Variants in SGPL1 observed in about 807,000 individuals in gnomAD.
SGPL1 encodes SP-lyase 1.
Under a neutral mutation model 68.9 loss-of-function variants are expected in SGPL1, and 37 were observed. That is an observed-to-expected ratio of 0.54 (90% CI 0.41 to 0.71). SGPL1 has a LOEUF of 0.71. SGPL1 is among the 30% of genes least tolerant of loss of function. The pLI is 0.00. For missense variants in SGPL1, 551 were observed against 704.6 expected, an observed-to-expected ratio of 0.78 and a Z score of 2.47; for synonymous variants, 236 against 248.5, an observed-to-expected ratio of 0.95 and a Z score of 0.47.
chr10:70,830,467 AG>A (rs1845515438), intron 2 of SGPL1, among the ~76,000 whole-genome samples: 1 of 152,296 alleles, frequency 6.6e-6, no homozygotes, highest in African/African-American at 2.4e-5. Context: ...AATGGTTTCA[AG>A]GTTCATCCAT....
intron 3 of SGPL1, among the ~76,000 whole-genome samples, chr10:70,848,451 GT>G (rs1362741835): frequency 1.7e-5 from 2 of 119,490 alleles, no homozygotes; most frequent in Admixed American, 1.9e-4. Context: ...ATTACCTCAC[GT>G]ACTTTTTTTT....
chr10:70,820,613 A>C (rs1235676919), intron 2 of SGPL1: 1 of 152,064 alleles, frequency 6.6e-6, no homozygotes, highest in South Asian at 2.1e-4. Flanking sequence ...TGTCTCTACT[A>C]AAAATACAAA....
intron 2 of SGPL1, among the ~76,000 whole-genome samples, chr10:70,825,702 C>T (rs766072704): frequency 6.6e-6 from 1 of 152,126 alleles, no homozygotes; most frequent in African/African-American, 2.4e-5. Flanking sequence ...CTCTACAATG[C>T]CCTGTCAGGA....
rs545760194 is a variant in SGPL1, at chr10:70,859,282, A to G, written c.487-89A>G. On this transcript the variant is annotated intron_variant, in intron 6 of 14. Transcript: ENST00000373202. ...TTTTCCAGTTTATATTGTTGTGCCTAATACTTAGAAACTGTTGTTTAGTGC... is the reference window on the plus strand; with the variant it reads ...TTTTCCAGTTTATATTGTTGTGCCTGATACTTAGAAACTGTTGTTTAGTGC... 5.1e-6 allele frequency: 5 copies of G among 986,826 alleles called. No homozygotes were observed. In the Admixed American group the frequency reaches 1.2e-4, roughly 24 times the overall value. The allele number at this position is 986,826 out of a possible 1,614,324, so 61.1% of individuals were successfully genotyped here.
chr10:70,863,061 T>C (rs1339294333), intron 7 of SGPL1, among the ~76,000 whole-genome samples: 1 of 152,170 alleles, frequency 6.6e-6, no homozygotes, highest in Non-Finnish European at 1.5e-5. Context: ...CTCAGCTCAC[T>C]GCAGCCTTGA....
At chr10:70,816,956 T>C in intron 2 of SGPL1, 76 bp downstream of exon 2, 1 of 1,343,130 alleles carries the variant, frequency 7.4e-7, no homozygotes, top group Non-Finnish European at 1.1e-6. Flanking sequence ...TCCCAGTGTG[T>C]AGATTTCACC....
rs1196497635 is a variant in SGPL1 at position 70,844,579 on chromosome 10, G to A, written c.134G>A (p.Trp45Ter). 2 of 1,614,136 alleles carry A rather than the reference G, an allele frequency of 1.2e-6. No individual in the cohort carries two copies. The highest frequency in any genetic ancestry group is 2.2e-5 in the East Asian group (1 of 44,882). The change falls in exon 3 of 15, where the codon TGG (tryptophan) becomes TAG (stop). Residue 45 changes from tryptophan to a stop codon, truncating the protein, a stop_gained. Transcript: ENST00000373202. LOFTEE classifies it high-confidence loss of function. ...TATGAGCCCTGGCAGCTAATTGCATGGAGTGTCGTGTGGACCCTGCTGATA... is the reference window on the plus strand; with the variant it reads ...TATGAGCCCTGGCAGCTAATTGCATAGAGTGTCGTGTGGACCCTGCTGATA... ...TKYEPWQLIA[W>*]SVVWTLLIVW...
At chr10:70,837,304 C>G (rs1845641709) in intron 2 of SGPL1, among the ~76,000 whole-genome samples, 1 of 152,176 alleles carries the variant, frequency 6.6e-6, no homozygotes, top group African/African-American at 2.4e-5. Context: ...TCTCAAACTC[C>G]TGACCTCAGG....
chr10:70,860,701 T>C (rs1186484502), intron 7 of SGPL1, among the ~76,000 whole-genome samples: 2 of 152,168 alleles, frequency 1.3e-5, no homozygotes, highest in Non-Finnish European at 2.9e-5. Context: ...TCTGGTAAAT[T>C]TGAAGATACA....
chr10:70,848,747 C>G (rs10823628), intron 3 of SGPL1, among the ~76,000 whole-genome samples: 53,012 of 152,028 alleles, frequency 0.35, 9,601 homozygotes, highest in South Asian at 0.5. Flanking sequence ...CAGGCGTGAA[C>G]CACCACACCT....
At chr10:70,827,867 C>T (rs1057119585) in intron 2 of SGPL1, among the ~76,000 whole-genome samples, 2 of 152,130 alleles carry the variant, frequency 1.3e-5, no homozygotes, top group African/African-American at 4.8e-5. Context: ...TGATTTTGAA[C>T]TTTACATAAA....
At chr10:70,865,209 TTTC>T (rs1187055677) in intron 7 of SGPL1, among the ~76,000 whole-genome samples, 2 of 130,880 alleles carry the variant, frequency 1.5e-5, no homozygotes, top group Non-Finnish European at 3.3e-5. Flanking sequence ...TGTTTCACTG[TTTC>T]TTTTTTTTTT....
At chr10:70,875,873 T>C (rs1414515640) in intron 13 of SGPL1, among the ~76,000 whole-genome samples, 1 of 152,228 alleles carries the variant, frequency 6.6e-6, no homozygotes, top group Non-Finnish European at 1.5e-5. Flanking sequence ...ACTTGTTACC[T>C]GGCTAATATT....
At chr10:70,837,366 C>G (rs534915728) in intron 2 of SGPL1, among the ~76,000 whole-genome samples, 2 of 152,206 alleles carry the variant, frequency 1.3e-5, no homozygotes, top group Non-Finnish European at 2.9e-5. Context: ...GTGTGAGCCA[C>G]CATGCCTGGC....
intron 7 of SGPL1, among the ~76,000 whole-genome samples, chr10:70,862,265 A>G (rs750362409): frequency 9.9e-5 from 15 of 152,024 alleles, no homozygotes; most frequent in Non-Finnish European, 1.3e-4. Context: ...GAGTGCACCA[A>G]TCGACACTCT....
At chr10:70,871,001 T>C in intron 9 of SGPL1, 47 bp from the exon 10 acceptor site, 1 of 1,513,562 alleles carries the variant, frequency 6.6e-7, no homozygotes, top group Non-Finnish European at 9.2e-7. Flanking sequence ...AAGAGAAGAG[T>C]AATTGTGACA....
chr10:70,864,785 C>G (rs1244068591), intron 7 of SGPL1, among the ~76,000 whole-genome samples: 2 of 152,180 alleles, frequency 1.3e-5, no homozygotes, highest in Admixed American at 1.3e-4. Flanking sequence ...TTCTTATGCA[C>G]TGTGGGTGCT....
At chr10:70,832,202 G>C (rs752047072) in intron 2 of SGPL1, among the ~76,000 whole-genome samples, 9 of 152,128 alleles carry the variant, frequency 5.9e-5, no homozygotes, top group Non-Finnish European at 1.2e-4. Context: ...TTAAAAGTAG[G>C]TTCTTGGTAA....
chr10:70,872,547 T>C (rs552159495), intron 11 of SGPL1, among the ~76,000 whole-genome samples: 4 of 152,354 alleles, frequency 2.6e-5, no homozygotes, highest in African/African-American at 9.6e-5. Context: ...GATAACGCTA[T>C]TGAATATACA....
Sources: gnomAD v4.1 joint callset for allele counts (sites outside exome capture counted in the v4.1 genomes callset) on GRCh38, gnomAD v4.1.1 for gene constraint, MANE v1.5 for transcripts, NCBI Gene and HGNC (gene_info 2026-07-23, HGNC 2026-07-21) for gene names.